LARGE1: variants seen among roughly 807,000 people sequenced by gnomAD.
LARGE1 encodes xylosyl- and glucuronyltransferase LARGE1.
LARGE1 carries 43 observed loss-of-function variants against 87.6 expected under a neutral mutation model. The ratio of observed to expected loss-of-function variants is 0.49; its 90% CI spans 0.38 to 0.63. LARGE1 has a LOEUF of 0.63. Among genes scored for constraint, LARGE1 ranks in the 30% least tolerant of loss-of-function variants. The probability of loss-of-function intolerance (pLI) is 0.00; values close to 1 mark genes in which losing one functional copy is unlikely to be tolerated. For missense variants in LARGE1, 802 were observed against 1,000.2 expected (o/e 0.80, Z 2.67); for synonymous variants, 434 against 394.6 (o/e 1.10, Z -1.18).
intron 6 of LARGE1, among the ~76,000 whole-genome samples, chr22:33,450,783 C>G (rs2067883950): frequency 6.6e-6 from 1 of 152,052 alleles, no homozygotes; most frequent in Non-Finnish European, 1.5e-5. Context: ...GAGTAAAGGC[C>G]AGAACCCTTG....
intron 6 of LARGE1, among the ~76,000 whole-genome samples, chr22:33,492,170 C>T (rs2069877304): frequency 6.6e-6 from 1 of 152,126 alleles, no homozygotes; most frequent in South Asian, 2.1e-4. Context: ...ACAGATGAGC[C>T]AATGCATCAC....
In LARGE1 at chr22:33,504,898, C is replaced by T. The variant is rs534992646; in HGVS notation, c.787+59950G>A. On this transcript the variant is annotated intron_variant, in intron 6 of 14. Transcript: ENST00000397394. ...ATTTGAAAGCACAACTAATCATATT[C>T]GCAGGCAAGCACTGTATTGCTAAAG... 7.9e-5 allele frequency among the ~76,000 whole-genome samples: 12 copies of T among 152,300 alleles called. No individual in the cohort carries two copies. The South Asian group carries it at 1.7e-3, about 21-fold the overall frequency.
intron 1 of LARGE1, among the ~76,000 whole-genome samples, chr22:33,813,030 G>A (rs931618047): frequency 6.6e-6 from 1 of 152,120 alleles, no homozygotes; most frequent in Admixed American, 6.5e-5. Flanking sequence ...TGGTTTAAAT[G>A]GTGGTATGAA....
At chr22:33,893,338 T>A (rs1483218330) in intron 1 of LARGE1, among the ~76,000 whole-genome samples, 1 of 152,128 alleles carries the variant, frequency 6.6e-6, no homozygotes, top group Admixed American at 6.5e-5. Flanking sequence ...AAGGAATAAA[T>A]CTTAAACTAT....
intron 2 of LARGE1, among the ~76,000 whole-genome samples, chr22:33,660,073 T>C (rs908447171): frequency 8.7e-6 from 1 of 114,446 alleles, no homozygotes; most frequent in Non-Finnish European, 1.7e-5. Context: ...TGTTTTGTTG[T>C]GTGTGTGTGT....
At chr22:33,446,242 G>A (rs950825745) in intron 6 of LARGE1, among the ~76,000 whole-genome samples, 3 of 152,164 alleles carry the variant, frequency 2.0e-5, no homozygotes, top group Non-Finnish European at 2.9e-5. Context: ...GGGGCTCCAC[G>A]CCCTGCCCCC....
intron 2 of LARGE1, among the ~76,000 whole-genome samples, chr22:33,693,827 TAAAAAA>T (rs894847994): frequency 6.7e-6 from 1 of 149,814 alleles, no homozygotes; most frequent in Admixed American, 6.7e-5. Flanking sequence ...CTGTCTCTAT[TAAAAAA>T]AGAAAAAAAA....
intron 2 of LARGE1, among the ~76,000 whole-genome samples, chr22:33,706,283 C>A (rs377256869): frequency 4.6e-5 from 7 of 152,168 alleles, no homozygotes; most frequent in African/African-American, 1.7e-4. Context: ...GCTCAGCCCA[C>A]ACCCCCACAC....
At chr22:33,827,995 A>G (rs2146307885) in intron 1 of LARGE1, among the ~76,000 whole-genome samples, 1 of 152,350 alleles carries the variant, frequency 6.6e-6, no homozygotes, top group Admixed American at 6.5e-5. Flanking sequence ...AAGAACTAGA[A>G]TAAAAGAGAT....
chr22:33,482,751 T>C (rs76385541), intron 6 of LARGE1, among the ~76,000 whole-genome samples: 4,367 of 152,286 alleles, frequency 0.029, 206 homozygotes, highest in African/African-American at 0.1. Flanking sequence ...CTCTTTCAGT[T>C]ATTTAAAAAT....
intron 5 of LARGE1, among the ~76,000 whole-genome samples, chr22:33,576,147 CAG>C (rs2078345995): frequency 6.6e-6 from 1 of 152,154 alleles, no homozygotes; most frequent in Non-Finnish European, 1.5e-5. Context: ...TTACCGTGCA[CAG>C]TATGTATTTA....
chr22:33,394,705 G>A (rs1198878994), intron 7 of LARGE1, among the ~76,000 whole-genome samples: 1,301 of 44,098 alleles, frequency 0.03, 21 homozygotes, highest in African/African-American at 0.29. Context: ...CTGGGAGCGT[G>A]TGTGTGTGTG....
chr22:33,681,241 T>A (rs1311327416), intron 2 of LARGE1, among the ~76,000 whole-genome samples: 1 of 152,204 alleles, frequency 6.6e-6, no homozygotes, highest in Non-Finnish European at 1.5e-5. Flanking sequence ...TTTTAACAAG[T>A]TGTCACCCCA....
intron 4 of LARGE1, among the ~76,000 whole-genome samples, chr22:33,622,614 T>C (rs1179126219): frequency 6.6e-6 from 1 of 152,198 alleles, no homozygotes; most frequent in Non-Finnish European, 1.5e-5. Context: ...GACCAGCCTG[T>C]TGCCACTGGG....
At chr22:33,375,676 G>GT (rs2064968504) in intron 9 of LARGE1, among the ~76,000 whole-genome samples, 1 of 152,142 alleles carries the variant, frequency 6.6e-6, no homozygotes, top group African/African-American at 2.4e-5. Flanking sequence ...CATTAGGACT[G>GT]TAAGTATAAC....
At chr22:33,326,524 T>C (rs780765651) in intron 10 of LARGE1, among the ~76,000 whole-genome samples, 1 of 152,148 alleles carries the variant, frequency 6.6e-6, no homozygotes, top group African/African-American at 2.4e-5. Context: ...GTCTATCAGA[T>C]AGGAATAACT....
the LARGE1 span, among the ~76,000 whole-genome samples, chr22:33,096,847 G>C: frequency 6.6e-6 from 1 of 152,122 alleles, no homozygotes; most frequent in Non-Finnish European, 1.5e-5. Flanking sequence ...TTACAGGCGT[G>C]AGCCACCGCG....
At position 33,650,547 on chromosome 22, in the gene LARGE1, G is replaced by A. The variant is rs765788666; in HGVS notation, c.228C>T (p.Asn76=). The A allele has an allele frequency of 3.1e-6, 5 of 1,609,874 alleles. No homozygotes were observed. Among genetic ancestry groups the A allele is most frequent in the East Asian group, 4.5e-5 (2 of 44,884 alleles). ...EVRMREVEEE[N]RALRRQLSLA... The stretch of plus-strand genomic sequence containing the variant: ...GGCTGAGCTGCCTGCGGAGGGCGCG[G>A]TTCTCCTCCTCCACCTCGCGCATGC... The change falls in exon 3 of 15, where the codon AAC becomes AAT. Residue 76 remains asparagine, a synonymous_variant. Transcript: ENST00000397394.
At chr22:33,587,836 T>G (rs912996400) in intron 5 of LARGE1, among the ~76,000 whole-genome samples, 2 of 152,200 alleles carry the variant, frequency 1.3e-5, no homozygotes, top group Non-Finnish European at 2.9e-5. Context: ...TTTCTGTTTT[T>G]AAATTCAAGC....
Sources: allele counts gnomAD v4.1 joint callset (sites outside exome capture counted in the v4.1 genomes callset), GRCh38; gene constraint gnomAD v4.1.1; transcripts MANE v1.5; gene names NCBI Gene and HGNC (gene_info 2026-07-23, HGNC 2026-07-21).